The following MINK1 variants were observed in gnomAD, a reference collection of about 807,000 sequenced individuals.
The protein encoded by MINK1 is misshapen like kinase 1.
In MINK1, 46 loss-of-function variants were observed where a neutral mutation model predicts 178.4. The observed-to-expected ratio is 0.26, with a 90% CI of 0.20 to 0.33. The LOEUF (loss-of-function observed/expected upper bound fraction) is 0.33, where lower values mean the gene tolerates loss of function less well. Ranked by LOEUF, MINK1 falls within the 10% of genes least tolerant of loss-of-function variation. The pLI is 1.00. For synonymous variants in MINK1, 797 were observed against 709.7 expected (o/e 1.12, Z -1.96); for missense variants, 1,366 against 1,814.9 (o/e 0.75, Z 4.49).
chr17:4,887,021 G>GAGA lies in MINK1; in HGVS notation c.950-88_950-86dup. 1 of 1,390,386 alleles carries GAGA rather than the reference G, an allele frequency of 7.2e-7. No individual in the cohort carries two copies. 86.1% of individuals were successfully genotyped at this position (1,390,386 alleles called of 1,614,324 possible). A position where few individuals can be genotyped will look rare whatever the true frequency, so the allele number is the denominator to read the frequency against. On this transcript the variant is annotated intron_variant, in intron 10 of 31. Coordinates refer to ENST00000355280, the MANE Select transcript of MINK1 (RefSeq NM_153827.5). The surrounding 1 kb of genome is among the most constrained non-coding windows in gnomAD (Gnocchi z 7.6). ...GGCCCCTCATGCTTGCCCAGCCAGA[G>GAGA]AGACCTGGTTATCCCCACCCAAGGT...
intron 1 of MINK1, among the ~76,000 whole-genome samples, chr17:4,863,725 A>G (rs961410139): frequency 6.6e-6 from 1 of 152,162 alleles, no homozygotes; most frequent in African/African-American, 2.4e-5. Context: ...TTATACTTCT[A>G]AAGTGCTCGG....
chr17:4,844,673 T>C (rs1370887717), intron 1 of MINK1: 2 of 412,036 alleles, frequency 4.9e-6, no homozygotes, highest in Non-Finnish European at 9.4e-6. Context: ...GATTTCTAAA[T>C]GTAGGGCCGC....
intron 1 of MINK1, among the ~76,000 whole-genome samples, chr17:4,872,150 T>G (rs1389568533): frequency 6.6e-6 from 1 of 151,088 alleles, no homozygotes; most frequent in African/African-American, 2.4e-5. Flanking sequence ...GACAACATGG[T>G]GAAATCCTGT....
rs1038313614 is a variant in MINK1 at position 4,856,200 on chromosome 17, A to G, written c.58-22117A>G. 2.6e-5 allele frequency among the ~76,000 whole-genome samples: 4 copies of G among 152,092 alleles called. No individual in the cohort carries two copies. In the South Asian group the frequency reaches 8.3e-4, roughly 31 times the overall value. ...GGTATAAGTGGGGATGATGCTGTCTACCTGCTTCCTAGTTGGCTCTGGGGT... is the reference window on the plus strand; with the variant it reads ...GGTATAAGTGGGGATGATGCTGTCTGCCTGCTTCCTAGTTGGCTCTGGGGT... On this transcript the variant is annotated intron_variant, in intron 1 of 31. Transcript: ENST00000355280.
intron 2 of MINK1, among the ~76,000 whole-genome samples, chr17:4,879,098 G>A (rs1420181534): frequency 1.3e-5 from 2 of 150,238 alleles, no homozygotes; most frequent in African/African-American, 4.9e-5. Context: ...GGGAGCCGCT[G>A]CAGCAGGGAG....
At chr17:4,880,860 A>T in intron 2 of MINK1, 124 bp from the exon 3 acceptor site, 1 of 910,336 alleles carries the variant, frequency 1.1e-6, no homozygotes, top group Non-Finnish European at 1.6e-6. Flanking sequence ...AGATCGCGCC[A>T]CTGCACTCTA....
At chr17:4,850,985 C>G (rs1347379879) in intron 1 of MINK1, 2 of 458,168 alleles carry the variant, frequency 4.4e-6, no homozygotes, top group East Asian at 1.4e-4. Flanking sequence ...ACTGGCCCTC[C>G]TCCCTGCCCC....
At chr17:4,871,286 G>A (rs1222838646) in intron 1 of MINK1, among the ~76,000 whole-genome samples, 4 of 150,848 alleles carry the variant, frequency 2.7e-5, no homozygotes, top group Non-Finnish European at 5.9e-5. Context: ...CCGCTCCTGG[G>A]CTCAAGGGAT....
chr17:4,867,074 A>AAATAATAATAT (rs1555533515), intron 1 of MINK1, among the ~76,000 whole-genome samples: 4 of 119,964 alleles, frequency 3.3e-5, no homozygotes, highest in African/African-American at 1.3e-4. Context: ...ACTCGTCTCA[A>AAATAATAATAT]AATAATAATA....
chr17:4,890,368 G>T (rs1567612850), intron 13 of MINK1, 149 bp from the exon 14 acceptor site: 1 of 1,440,516 alleles, frequency 6.9e-7, no homozygotes, highest in Non-Finnish European at 9.1e-7. Context: ...TGCTGGAACG[G>T]GATGGGAACA....
chr17:4,893,448 G>A lies in MINK1; in HGVS notation c.2415G>A (p.Leu805=). 1 of 1,594,316 alleles carries A rather than the reference G, an allele frequency of 6.3e-7. No individual in the cohort carries two copies. Among genetic ancestry groups the A allele is most frequent in the Non-Finnish European group, 8.6e-7 (1 of 1,164,300 alleles). Residue 805 remains leucine (L), a synonymous_variant, in exon 21 of 32, where the codon CTG becomes CTA. Coordinates refer to ENST00000355280, the MANE Select transcript of MINK1 (RefSeq NM_153827.5). ...RPGRPADFVL[L]KERTLDEAPR... The stretch of plus-strand genomic sequence containing the variant: ...CCTCCCTGCAGGACTTTGTGTTGCT[G>A]AAAGAGCGGACTCTGGACGAGGCCC...
At chr17:4,851,603 T>C (rs73341660) in intron 1 of MINK1, among the ~76,000 whole-genome samples, 7,642 of 152,170 alleles carry the variant, frequency 0.05, 579 homozygotes, top group African/African-American at 0.16. Context: ...CGAGAAGCCT[T>C]CCCTTCATCT....
intron 1 of MINK1, among the ~76,000 whole-genome samples, chr17:4,847,821 A>G (rs1308721751): frequency 6.6e-6 from 1 of 152,112 alleles, no homozygotes; most frequent in African/African-American, 2.4e-5. Flanking sequence ...GGTTGGGCGC[A>G]GTGTTGGAGT....
rs145011691 is a variant in MINK1 at position 4,850,493 on chromosome 17, G to A, written c.57+16853G>A. 2.7e-5 allele frequency among the ~76,000 whole-genome samples: 4 copies of A among 149,962 alleles called. No individual in the cohort carries two copies. The East Asian group carries it at 5.8e-4, about 22-fold the overall frequency. ...CTGTTCTTTCTCAGAGTGTGATTCA[G>A]ACAGTCCTTCCTCCCCTTCCTGCTG... On this transcript the variant is annotated intron_variant, in intron 1 of 31. Transcript: ENST00000355280.
In MINK1 at chr17:4,878,099, C is replaced by T. The variant is rs147049693; in HGVS notation, c.58-218C>T. On this transcript the variant is annotated intron_variant, in intron 1 of 31. Coordinates refer to ENST00000355280, the MANE Select transcript of MINK1 (RefSeq NM_153827.5). ...TGCTGGGATTACAGGCGTGAGCCAC[C>T]GTGCCCGGCCACTCACTTCTTCCAA... Among the ~76,000 whole-genome samples the T allele has an allele frequency of 8.2e-3, 1,244 of 152,228 alleles. 18 individuals carry two copies. The highest frequency in any genetic ancestry group is 0.028 in the African/African-American group (1,181 of 41,540).
At chr17:4,838,947 CTTT>C (rs149544017) in intron 1 of MINK1, among the ~76,000 whole-genome samples, 1 of 145,106 alleles carries the variant, frequency 6.9e-6, no homozygotes. Context: ...AGCCTAGACT[CTTT>C]TTTTTTTTTT....
chr17:4,844,880 A>G (rs891296643), intron 1 of MINK1, among the ~76,000 whole-genome samples: 2 of 152,162 alleles, frequency 1.3e-5, no homozygotes, highest in Non-Finnish European at 2.9e-5. Flanking sequence ...ACTTACCATT[A>G]TAACCATTTT....
chr17:4,859,003 C>T (rs1420610526), intron 1 of MINK1: 1 of 440,010 alleles, frequency 2.3e-6, no homozygotes, highest in Non-Finnish European at 3.0e-6. Flanking sequence ...GCACCCGGGG[C>T]AGCCCCACCT....
chr17:4,847,158 T>A (rs934630920), intron 1 of MINK1: 2 of 480,002 alleles, frequency 4.2e-6, no homozygotes, highest in Admixed American at 2.2e-5. Flanking sequence ...TGACTTTGCC[T>A]TTGAGGCAAT....
Sources: allele counts gnomAD v4.1 joint callset (sites outside exome capture counted in the v4.1 genomes callset), GRCh38; gene constraint gnomAD v4.1.1; non-coding constraint Gnocchi (gnomAD v3.1); transcripts MANE v1.5; gene names NCBI Gene and HGNC (gene_info 2026-07-23, HGNC 2026-07-21).